The following KIAA1328 variants were observed in gnomAD, a reference collection of about 807,000 sequenced individuals.
KIAA1328 encodes protein hinderin.
KIAA1328 carries 52 observed loss-of-function variants against 68.1 expected under a neutral mutation model. That is an observed-to-expected ratio of 0.76 (90% CI 0.61 to 0.96). The LOEUF (loss-of-function observed/expected upper bound fraction) is 0.96. KIAA1328 is among the 40% of genes least tolerant of loss of function. The pLI is 0.00. For missense variants in KIAA1328, 641 were observed against 677.6 expected, an observed-to-expected ratio of 0.95 and a Z score of 0.60; for synonymous variants, 232 against 239.4, an observed-to-expected ratio of 0.97 and a Z score of 0.28.
intron 9 of KIAA1328, among the ~76,000 whole-genome samples, chr18:37,192,971 A>T (rs996260750): frequency 6.6e-6 from 1 of 152,212 alleles, no homozygotes; most frequent in African/African-American, 2.4e-5. Context: ...TTATTTTTAT[A>T]CTTGCACAAA....
chr18:36,949,231 G>T (rs2051042057), intron 5 of KIAA1328, among the ~76,000 whole-genome samples: 2 of 152,050 alleles, frequency 1.3e-5, no homozygotes, highest in African/African-American at 4.8e-5. Flanking sequence ...CTGAAACATA[G>T]AACTTTTAAA....
chr18:36,910,607 T>C (rs1218167235), intron 5 of KIAA1328, among the ~76,000 whole-genome samples: 1 of 152,186 alleles, frequency 6.6e-6, no homozygotes, highest in Non-Finnish European at 1.5e-5. Context: ...CAATGTGGGC[T>C]CTTTTTTTGG....
intron 7 of KIAA1328, among the ~76,000 whole-genome samples, chr18:37,087,276 T>C (rs1028985837): frequency 5.3e-5 from 8 of 152,080 alleles, no homozygotes; most frequent in Non-Finnish European, 1.2e-4. Context: ...CCCAGGCTTG[T>C]CTCAAACTCC....
At chr18:37,197,984 G>C (rs549572302) in intron 9 of KIAA1328, among the ~76,000 whole-genome samples, 1 of 152,292 alleles carries the variant, frequency 6.6e-6, no homozygotes, top group Admixed American at 6.5e-5. Flanking sequence ...ATAAAATGTG[G>C]TGTGTTCATA....
At chr18:36,906,637 T>C (rs373280435) in intron 5 of KIAA1328, among the ~76,000 whole-genome samples, 1 of 152,250 alleles carries the variant, frequency 6.6e-6, no homozygotes, top group African/African-American at 2.4e-5. Flanking sequence ...TATATATTTA[T>C]GGGGTACATG....
chr18:36,952,633 G>T (rs1477839205), intron 5 of KIAA1328, among the ~76,000 whole-genome samples: 2 of 152,156 alleles, frequency 1.3e-5, no homozygotes, highest in South Asian at 2.1e-4. Flanking sequence ...AAGTCTATGC[G>T]TTTACTGAAT....
intron 4 of KIAA1328, among the ~76,000 whole-genome samples, chr18:36,860,223 A>G (rs1400107549): frequency 1.3e-5 from 2 of 152,164 alleles, no homozygotes; most frequent in Admixed American, 1.3e-4. Flanking sequence ...ATACGTTCAT[A>G]TATGTTTAAA....
intron 1 of KIAA1328, 23 bp downstream of exon 1, chr18:36,829,219 G>A: frequency 1.3e-6 from 2 of 1,502,636 alleles, no homozygotes; most frequent in Non-Finnish European, 1.8e-6. Context: ...CGCCTGACAG[G>A]GGGCGCCGGC....
In KIAA1328 at chr18:37,131,597, C is replaced by G. The variant is rs570098583; in HGVS notation, c.1233-28603C>G. ...CAGTGAGCATTTTTGGTGAAATACA[C>G]TTGCTGCACAGACACAGAAGCCTTT... On this transcript the variant is annotated intron_variant, in intron 7 of 9. Transcript: ENST00000280020. Among the ~76,000 whole-genome samples the G allele has an allele frequency of 9.5e-4, 145 of 152,318 alleles. 5 individuals are homozygous for G. In the South Asian group the frequency reaches 0.027, roughly 29 times the overall value.
intron 7 of KIAA1328, among the ~76,000 whole-genome samples, chr18:37,131,755 A>G (rs538743413): frequency 6.6e-6 from 1 of 152,310 alleles, no homozygotes; most frequent in South Asian, 2.1e-4. Flanking sequence ...CATGTAAATT[A>G]TATATAACTG....
chr18:37,217,583 C>T (rs1270300415), intron 9 of KIAA1328, among the ~76,000 whole-genome samples: 6 of 152,160 alleles, frequency 3.9e-5, no homozygotes, highest in Non-Finnish European at 5.9e-5. Flanking sequence ...TGACCTTTCT[C>T]TCTGGCTGCC....
intron 9 of KIAA1328, among the ~76,000 whole-genome samples, chr18:37,208,743 C>T (rs1167262634): frequency 6.6e-6 from 1 of 152,098 alleles, no homozygotes; most frequent in African/African-American, 2.4e-5. Flanking sequence ...AGCCAGGTTT[C>T]AATTAAAGCT....
chr18:36,865,057 T>C (rs1252532674), intron 4 of KIAA1328, among the ~76,000 whole-genome samples: 1 of 151,954 alleles, frequency 6.6e-6, no homozygotes, highest in Non-Finnish European at 1.5e-5. Context: ...TTTTTCACTC[T>C]TATCTCTATT....
At chr18:37,168,221 T>C (rs1375868894) in intron 8 of KIAA1328, among the ~76,000 whole-genome samples, 2 of 152,238 alleles carry the variant, frequency 1.3e-5, no homozygotes, top group Non-Finnish European at 2.9e-5. Context: ...CCATAGTAGG[T>C]CACCAAGGAC....
chr18:37,220,356 G>C (rs1032899704), intron 9 of KIAA1328, among the ~76,000 whole-genome samples: 2 of 152,162 alleles, frequency 1.3e-5, no homozygotes, highest in East Asian at 1.9e-4. Flanking sequence ...CAGTTACAAA[G>C]AAAAATTAAA....
chr18:37,091,226 A>G (rs541059850), intron 7 of KIAA1328, among the ~76,000 whole-genome samples: 1 of 152,178 alleles, frequency 6.6e-6, no homozygotes, highest in Non-Finnish European at 1.5e-5. Context: ...TAAGTGTCAA[A>G]TAGAGCTTCT....
intron 6 of KIAA1328, among the ~76,000 whole-genome samples, chr18:36,978,065 G>A (rs938760224): frequency 9.2e-5 from 14 of 152,262 alleles, no homozygotes; most frequent in African/African-American, 3.4e-4. Context: ...TTACAGGTGA[G>A]AGCCACCGCG....
At chr18:37,027,696 A>C (rs2054643806) in intron 6 of KIAA1328, among the ~76,000 whole-genome samples, 5 of 152,212 alleles carry the variant, frequency 3.3e-5, no homozygotes, top group Middle Eastern at 3.4e-3. Flanking sequence ...TCCCTTCCTT[A>C]CCCCTTATAC....
intron 7 of KIAA1328, among the ~76,000 whole-genome samples, chr18:37,145,154 A>G (rs538819829): frequency 1.6e-4 from 24 of 152,242 alleles, no homozygotes; most frequent in African/African-American, 4.8e-4. Context: ...GCAGTGAGCC[A>G]TGATCGCACC....
Sources: allele counts gnomAD v4.1 joint callset (sites outside exome capture counted in the v4.1 genomes callset), GRCh38; gene constraint gnomAD v4.1.1; transcripts MANE v1.5; gene names NCBI Gene and HGNC (gene_info 2026-07-23, HGNC 2026-07-21).